Variants in BICRA observed in about 807,000 individuals in gnomAD.
BICRA encodes BRD4 interacting chromatin remodeling complex associated protein.
A neutral mutation model predicts 96.9 loss-of-function variants in BICRA; 31 were observed. The observed-to-expected ratio is 0.32, with a 90% CI of 0.24 to 0.43. BICRA has a LOEUF of 0.43. Among genes scored for constraint, BICRA ranks in the 20% least tolerant of loss-of-function variants. The probability of loss-of-function intolerance (pLI) is 1.00; values close to 1 mark genes in which losing one functional copy is unlikely to be tolerated. For missense variants in BICRA, 2,283 were observed against 2,190.3 expected (o/e 1.04, Z -0.84); for synonymous variants, 1,350 against 1,071.8 (o/e 1.26, Z -5.07).
At chr19:47,629,396 A>C (rs1252972005) in intron 1 of BICRA, among the ~76,000 whole-genome samples, 1 of 152,174 alleles carries the variant, frequency 6.6e-6, no homozygotes, top group African/African-American at 2.4e-5. Flanking sequence ...ATTTGACTTT[A>C]AGTGCCAAAT....
chr19:47,690,244 C>T (rs928089686), intron 7 of BICRA, among the ~76,000 whole-genome samples: 8 of 152,104 alleles, frequency 5.3e-5, no homozygotes, highest in Non-Finnish European at 1.2e-4. Flanking sequence ...TCAGGTGATC[C>T]ACCCGCCTCA....
intron 1 of BICRA, among the ~76,000 whole-genome samples, chr19:47,618,103 G>T (rs1326496877): frequency 6.6e-6 from 1 of 152,198 alleles, no homozygotes; most frequent in Non-Finnish European, 1.5e-5. Context: ...AACCCTGTGG[G>T]TTGTTTCTGA....
rs1972920153 is a variant in BICRA, at chr19:47,675,020, T to C, written c.85-831T>C. On this transcript the variant is annotated intron_variant, in intron 4 of 14. Transcript: ENST00000594866. This position sits in a 1 kb window ranked among gnomAD's most constrained non-coding sequence, Gnocchi z 4.7. ...AATGGGATGATGGCAGCCTGGGCCA[T>C]GGTGCAGGCAGTGGGGGAGGCATGT... 6.6e-6 allele frequency among the ~76,000 whole-genome samples: 1 copy of C among 152,192 alleles called. No homozygotes were observed. Among genetic ancestry groups the C allele is most frequent in the Non-Finnish European group, 1.5e-5 (1 of 68,026 alleles).
chr19:47,641,102 A>G (rs1419033731), intron 1 of BICRA, among the ~76,000 whole-genome samples: 1 of 46,518 alleles, frequency 2.1e-5, no homozygotes, highest in Admixed American at 2.3e-4. Context: ...TTGTATTTTT[A>G]GTACAGACCG....
intron 1 of BICRA, among the ~76,000 whole-genome samples, chr19:47,617,609 T>C (rs2974228): frequency 0.86 from 130,960 of 151,966 alleles, 56,536 homozygotes; most frequent in Admixed American, 0.89. Context: ...GGTGATCTGC[T>C]CACCTAGGCC....
Position 47,681,076 on chromosome 19 carries a change from C to G in BICRA, c.1906C>G (p.Pro636Ala). 6.9e-7 allele frequency: 1 copy of G among 1,439,160 alleles called. No individual in the cohort carries two copies. Among genetic ancestry groups the G allele is most frequent in the Non-Finnish European group, 9.1e-7 (1 of 1,094,506 alleles). 89.1% of individuals were successfully genotyped at this position (1,439,160 alleles called of 1,614,324 possible). The part of the protein sequence containing the change: ...QAPPAVSTPL[P>A]LGLQQPQAQQ... ...GCCCCCCGCGGTCAGCACACCCCTG[C>G]CCCTGGGCCTCCAGCAGCCGCAGGC... The change falls in exon 6 of 15, where the codon CCC (proline) becomes GCC (alanine). Residue 636 changes from proline (P) to alanine (A), a missense_variant. Coordinates refer to ENST00000594866, the MANE Select transcript of BICRA (RefSeq NM_001394372.1).
intron 1 of BICRA, among the ~76,000 whole-genome samples, chr19:47,634,086 G>T (rs959628470): frequency 2.3e-4 from 35 of 152,276 alleles, no homozygotes; most frequent in African/African-American, 8.2e-4. Flanking sequence ...ACACCGTTTG[G>T]CATCTCCCAG....
intron 7 of BICRA, among the ~76,000 whole-genome samples, chr19:47,691,250 G>T (rs1973237055): frequency 1.3e-5 from 2 of 152,250 alleles, no homozygotes; most frequent in African/African-American, 4.8e-5. Context: ...TTCCCGCAAA[G>T]TGAGTGACCC....
chr19:47,702,497 C>T lies in BICRA; in HGVS notation c.*82C>T, dbSNP rs1401580236. The T allele has an allele frequency of 1.2e-5, 17 of 1,375,634 alleles. No homozygotes were observed. Among genetic ancestry groups the T allele is most frequent in the Non-Finnish European group, 1.4e-5 (15 of 1,070,382 alleles). The allele number at this position is 1,375,634 out of a possible 1,614,324, so 85.2% of individuals were successfully genotyped here. Reference sequence around the variant, plus strand: ...GTGTCCGCCCTCAGCCTCCTGGGGACTCGAGCCGGGGATCCCCTGACGGTT... The same window carrying T: ...GTGTCCGCCCTCAGCCTCCTGGGGATTCGAGCCGGGGATCCCCTGACGGTT... On this transcript the variant is annotated 3_prime_UTR_variant, in exon 15 of 15. Transcript: ENST00000594866.
chr19:47,696,575 G>A (rs1973347052), intron 11 of BICRA, 63 bp downstream of exon 11: 30 of 1,479,650 alleles, frequency 2.0e-5, no homozygotes, highest in Middle Eastern at 1.8e-4. Flanking sequence ...GGGGAGCATG[G>A]GGCCACCCTC....
intron 1 of BICRA, among the ~76,000 whole-genome samples, chr19:47,647,903 G>C (rs886916926): frequency 6.6e-6 from 1 of 151,732 alleles, no homozygotes; most frequent in Non-Finnish European, 1.5e-5. Context: ...GGGGGGAGTG[G>C]GGGGCCGTTT....
chr19:47,626,987 G>C (rs929136824), intron 1 of BICRA, among the ~76,000 whole-genome samples: 7 of 152,074 alleles, frequency 4.6e-5, no homozygotes, highest in Non-Finnish European at 2.9e-5. Context: ...CTCCCAGAGT[G>C]CTGGGATTAC....
intron 1 of BICRA, among the ~76,000 whole-genome samples, chr19:47,634,863 C>T (rs180781833): frequency 1.9e-3 from 286 of 147,514 alleles, no homozygotes; most frequent in Non-Finnish European, 3.2e-3. Context: ...CCCGGGTTTA[C>T]GCCATTCTCC....
In BICRA at chr19:47,703,269, A is replaced by G. The variant is rs996786922; in HGVS notation, c.*854A>G. 1 of 152,316 alleles carries G rather than the reference A, an allele frequency of 6.6e-6. No individual in the cohort carries two copies. Among genetic ancestry groups the G allele is most frequent in the African/African-American group, 2.4e-5 (1 of 41,342 alleles). 9.4% of individuals were successfully genotyped at this position (152,316 alleles called of 1,614,324 possible). ...TAAATTAAAAACCGATCCTTTTTTT[A>G]AAACTGTACTCATGCCCCCTTGGCC... On this transcript the variant is annotated 3_prime_UTR_variant, in exon 15 of 15. Transcript: ENST00000594866.
intron 1 of BICRA, among the ~76,000 whole-genome samples, chr19:47,659,714 ACACAC>A (rs1412603043): frequency 1.4e-5 from 2 of 147,152 alleles, no homozygotes; most frequent in African/African-American, 5.0e-5. Context: ...ACACACACAC[ACACAC>A]ACACACACAC....
chr19:47,643,429 C>T (rs1464146743), intron 1 of BICRA, among the ~76,000 whole-genome samples: 1 of 152,200 alleles, frequency 6.6e-6, no homozygotes, highest in African/African-American at 2.4e-5. Flanking sequence ...GCGGCTCAGT[C>T]CAGGCCCTGG....
intron 1 of BICRA, among the ~76,000 whole-genome samples, chr19:47,635,249 A>AT (rs373765609): frequency 0.27 from 37,327 of 137,152 alleles, 5,309 homozygotes; most frequent in Non-Finnish European, 0.32. Context: ...CATTTCTAGG[A>AT]TTTTTTTTTT....
chr19:47,681,947 T>C, intron 6 of BICRA, 29 bp from the exon 7 acceptor site: 1 of 1,511,476 alleles, frequency 6.6e-7, no homozygotes, highest in Non-Finnish European at 8.9e-7. Flanking sequence ...GGGGCGGCTT[T>C]CTGATCCTGT....
chr19:47,675,722 C>A lies in BICRA; in HGVS notation c.85-129C>A. On this transcript the variant is annotated intron_variant, in intron 4 of 14. Transcript: ENST00000594866. This position sits in a 1 kb window ranked among gnomAD's most constrained non-coding sequence, Gnocchi z 4.7. ...CCTCTTTTCGGAGGCGAGAGTTTCC[C>A]ATACCCCCAGCCCTCTCCCATCCCA... 1.3e-6 allele frequency: 1 copy of A among 743,710 alleles called. No individual in the cohort carries two copies. Among genetic ancestry groups the A allele is most frequent in the Non-Finnish European group, 2.4e-6 (1 of 425,226 alleles). 46.1% of individuals were successfully genotyped at this position (743,710 alleles called of 1,614,324 possible). A position where few individuals can be genotyped will look rare whatever the true frequency, so the allele number is the denominator to read the frequency against.
Sources: gnomAD v4.1 joint callset for allele counts (sites outside exome capture counted in the v4.1 genomes callset) on GRCh38, gnomAD v4.1.1 for gene constraint, Gnocchi (gnomAD v3.1) non-coding constraint, MANE v1.5 for transcripts, NCBI Gene and HGNC (gene_info 2026-07-23, HGNC 2026-07-21) for gene names.